The following LBHD1 variants were observed in gnomAD, a reference collection of about 807,000 sequenced individuals.
LBHD1 encodes the protein LBH domain-containing protein 1.
A neutral mutation model predicts 31.1 loss-of-function variants in LBHD1; 28 were observed. The ratio of observed to expected loss-of-function variants is 0.90; its 90% CI spans 0.67 to 1.24. LBHD1 has a LOEUF of 1.24. LBHD1 is among the 50% of genes most tolerant of loss of function. The pLI is 0.00. For synonymous variants in LBHD1, 105 were observed against 116.5 expected, an observed-to-expected ratio of 0.90 and a Z score of 0.63; for missense variants, 350 against 323.0, an observed-to-expected ratio of 1.08 and a Z score of -0.64.
At chr11:62,666,060 A>G (rs891991897) in intron 4 of LBHD1, 4 of 1,229,666 alleles carry the variant, frequency 3.3e-6, no homozygotes, top group Non-Finnish European at 4.5e-6. Context: ...CTCAAACCCT[A>G]CGGTGGGCCG....
intron 3 of LBHD1, among the ~76,000 whole-genome samples, chr11:62,668,748 A>G (rs1271961156): frequency 6.6e-6 from 1 of 151,090 alleles, no homozygotes; most frequent in Non-Finnish European, 1.5e-5. Flanking sequence ...GCTTGCAGTG[A>G]GCAGAGGTCA....
intron 4 of LBHD1, 83 bp from the exon 5 acceptor site, chr11:62,665,056 C>T (rs1944757335): frequency 6.3e-7 from 1 of 1,575,318 alleles, no homozygotes; most frequent in East Asian, 2.2e-5. Context: ...CGGCCCCTCA[C>T]TGATCCCATC....
In LBHD1 at chr11:62,662,943, G is replaced by A; in HGVS notation, c.*186C>T. 2.4e-6 allele frequency: 2 copies of A among 838,294 alleles called. No individual in the cohort carries two copies. The highest frequency in any genetic ancestry group is 1.8e-5 in the South Asian group (1 of 56,558). The allele number at this position is 838,294 out of a possible 1,614,324, so 51.9% of individuals were successfully genotyped here. ...GGGAGGTCAGTAGGCCATTAGGTAGGAGGAAATCTGGAGAGTGAAAAGGGG... is the reference window on the plus strand; with the variant it reads ...GGGAGGTCAGTAGGCCATTAGGTAGAAGGAAATCTGGAGAGTGAAAAGGGG... On this transcript the variant is annotated 3_prime_UTR_variant, in exon 7 of 7. Transcript: ENST00000354588.
At position 62,664,961 on chromosome 11, in the gene LBHD1, T is replaced by G. The variant is rs751174108; in HGVS notation, c.551A>C (p.Glu184Ala). 7 of 1,611,966 alleles carry G rather than the reference T, an allele frequency of 4.3e-6. No homozygotes were observed. The South Asian group carries it at 4.4e-5, about 10-fold the overall frequency. Residue 184 changes from glutamate to alanine, a missense_variant, in exon 5 of 7, where the codon GAA (glutamate) becomes GCA (alanine). Coordinates refer to ENST00000354588, the MANE Select transcript of LBHD1 (RefSeq NM_024099.5). The stretch of plus-strand genomic sequence containing the variant: ...AACACCCGCCGGCGTTTGAACAGCT[T>G]CTTCTTCAGCTCCTGCCGGGGAGAA... ...PPNSFEGAEE[E>A]AVQTPAGVES...
At chr11:62,665,198 C>A in intron 4 of LBHD1, 2 of 804,850 alleles carry the variant, frequency 2.5e-6, no homozygotes, top group Non-Finnish European at 4.2e-6. Context: ...GTTCACGGTC[C>A]GTACTTCCGC....
At position 62,667,650 on chromosome 11, in the gene LBHD1, C is replaced by T; in HGVS notation, c.411G>A (p.Trp137Ter). 6.2e-7 allele frequency: 1 copy of T among 1,614,134 alleles called. No homozygotes were observed. The highest frequency in any genetic ancestry group is 8.5e-7 in the Non-Finnish European group (1 of 1,180,018). Residue 137 changes from tryptophan to a stop codon, truncating the protein, a stop_gained, in exon 4 of 7, where the codon TGG (tryptophan) becomes TGA (stop). Transcript: ENST00000354588. LOFTEE classifies it high-confidence loss of function. The part of the protein sequence containing the change: ...GQDQDEEDAC[W>*]ILEDTACLEA... ...CCAGACATGCTGTGTCCTCAAGAAT[C>T]CAACAAGCATCTTCTTCATCCTGGT... is the stretch of plus-strand genomic sequence containing the variant.
At position 62,664,914 on chromosome 11, in the gene LBHD1, C is replaced by T. The variant is rs1944752702; in HGVS notation, c.598G>A (p.Ala200Thr). 5.6e-6 allele frequency: 9 copies of T among 1,602,010 alleles called. No individual in the cohort carries two copies. Among genetic ancestry groups the T allele is most frequent in the Non-Finnish European group, 7.7e-6 (9 of 1,174,624 alleles). The change falls in exon 5 of 7, where the codon GCA becomes ACA. Residue 200 changes from alanine to threonine, a missense_variant. Transcript: ENST00000354588. ...AGVESGAASE[A>T]PGGRGCDRPR... ...CTATCACAGCCCCGACCACCCGGTG[C>T]CTCAGACGCCGCTCCCGATTCAACA...
Position 62,671,569 on chromosome 11 carries a change from A to C in LBHD1, c.-16T>G. On this transcript the variant is annotated 5_prime_UTR_variant, in exon 1 of 7. Coordinates refer to ENST00000354588, the MANE Select transcript of LBHD1 (RefSeq NM_024099.5). ...CTCAACCCCCTCAGCTAAACCTGAG[A>C]TCCAAGCGCTCCGGATTCCAAACGT... is the stretch of plus-strand genomic sequence containing the variant. 6.9e-7 allele frequency: 1 copy of C among 1,444,028 alleles called. No individual in the cohort carries two copies. Among genetic ancestry groups the C allele is most frequent in the Non-Finnish European group, 9.1e-7 (1 of 1,103,502 alleles). 89.5% of individuals were successfully genotyped at this position (1,444,028 alleles called of 1,614,324 possible).
intron 1 of LBHD1, chr11:62,670,981 C>A (rs538445091): frequency 4.2e-6 from 1 of 237,662 alleles, no homozygotes; most frequent in Non-Finnish European, 8.7e-6. Flanking sequence ...CGCCTGTAAT[C>A]CCAGCTATCC....
Sources: gnomAD v4.1 joint callset for allele counts (sites outside exome capture counted in the v4.1 genomes callset) on GRCh38, gnomAD v4.1.1 for gene constraint, MANE v1.5 for transcripts, NCBI Gene and HGNC (gene_info 2026-07-23, HGNC 2026-07-21) for gene names.